CNTN5: variants seen among roughly 807,000 people sequenced by gnomAD.
CNTN5 encodes the protein contactin-5.
Under a neutral mutation model 129.1 loss-of-function variants are expected in CNTN5, and 77 were observed. The observed-to-expected ratio is 0.60, with a 90% confidence interval of 0.50 to 0.72. CNTN5 has a LOEUF of 0.72. Among genes scored for constraint, CNTN5 ranks in the 30% least tolerant of loss-of-function variants. CNTN5 has a pLI of 0.00. For synonymous variants in CNTN5, 509 were observed against 465.6 expected (o/e 1.09, Z -1.20); for missense variants, 1,478 against 1,328.8 (o/e 1.11, Z -1.75).
chr11:100,143,660 G>A (rs1367209004), intron 13 of CNTN5, among the ~76,000 whole-genome samples: 1 of 152,106 alleles, frequency 6.6e-6, no homozygotes, highest in African/African-American at 2.4e-5. Context: ...ACTCCTCTAT[G>A]CCAGATTGTT....
chr11:99,742,120 A>G (rs543117852), intron 3 of CNTN5, among the ~76,000 whole-genome samples: 9 of 152,286 alleles, frequency 5.9e-5, no homozygotes, highest in East Asian at 1.9e-4. Flanking sequence ...AACACAACCA[A>G]TGGAATTCAG....
rs542984343 is a variant in CNTN5 at position 99,581,393 on chromosome 11, C to G, written c.55+25124C>G. Among the ~76,000 whole-genome samples, 1,030 of 148,630 alleles carry G rather than the reference C, an allele frequency of 6.9e-3. 6 individuals are homozygous for G. The highest frequency in any genetic ancestry group is 0.024 in the African/African-American group (949 of 39,574). Reference sequence around the variant, plus strand: ...TTCAATTCCTGGGTATCCTTGTTAACTTTCTGTCTCGTTGATCTGTCTAAT... The same window carrying G: ...TTCAATTCCTGGGTATCCTTGTTAAGTTTCTGTCTCGTTGATCTGTCTAAT... On this transcript the variant is annotated intron_variant, in intron 3 of 24. Transcript: ENST00000524871.
intron 9 of CNTN5, among the ~76,000 whole-genome samples, chr11:100,011,466 CAT>C (rs1940529042): frequency 6.6e-6 from 1 of 152,054 alleles, no homozygotes; most frequent in Non-Finnish European, 1.5e-5. Context: ...AAAAATTTTA[CAT>C]GTTTCTTATC....
chr11:99,723,228 GA>G (rs75033106), intron 3 of CNTN5, among the ~76,000 whole-genome samples: 9 of 150,382 alleles, frequency 6.0e-5, no homozygotes, highest in South Asian at 2.1e-4. Flanking sequence ...TCCACTTTGG[GA>G]AAAAAAAATC....
chr11:99,853,419 G>A (rs945852593), intron 6 of CNTN5, among the ~76,000 whole-genome samples: 1 of 151,350 alleles, frequency 6.6e-6, no homozygotes, highest in Non-Finnish European at 1.5e-5. Flanking sequence ...ATTTTTTTGA[G>A]ACGGAGTTTT....
At chr11:99,766,652 C>A (rs1340529467) in intron 3 of CNTN5, among the ~76,000 whole-genome samples, 1 of 151,954 alleles carries the variant, frequency 6.6e-6, no homozygotes. Flanking sequence ...TTTATTAATA[C>A]CCCCATCGCT....
chr11:99,664,538 A>G (rs572403552), intron 3 of CNTN5, among the ~76,000 whole-genome samples: 7 of 152,166 alleles, frequency 4.6e-5, no homozygotes, highest in African/African-American at 1.4e-4. Flanking sequence ...CAGGATATCA[A>G]TGGCATTTTT....
At chr11:99,934,788 T>A (rs1044543690) in intron 7 of CNTN5, among the ~76,000 whole-genome samples, 6 of 150,682 alleles carry the variant, frequency 4.0e-5, no homozygotes, top group Non-Finnish European at 7.4e-5. Flanking sequence ...GGCAGGAGAA[T>A]CCCTTGAACA....
chr11:99,493,367 C>A (rs1291148167), intron 2 of CNTN5, among the ~76,000 whole-genome samples: 2 of 152,166 alleles, frequency 1.3e-5, no homozygotes, highest in Non-Finnish European at 2.9e-5. Context: ...TTTATTTGGG[C>A]TCATTTCATG....
intron 3 of CNTN5, among the ~76,000 whole-genome samples, chr11:99,757,102 G>A (rs969290117): frequency 4.6e-5 from 7 of 151,966 alleles, no homozygotes; most frequent in Admixed American, 1.3e-4. Flanking sequence ...CAGCAGGGTC[G>A]TGTTGTCTCT....
At chr11:99,915,096 G>T (rs1949753928) in intron 6 of CNTN5, among the ~76,000 whole-genome samples, 1 of 151,918 alleles carries the variant, frequency 6.6e-6, no homozygotes, top group Non-Finnish European at 1.5e-5. Flanking sequence ...ACATTTCTAA[G>T]AAGCATTTCT....
intron 8 of CNTN5, among the ~76,000 whole-genome samples, chr11:99,964,194 T>C (rs559886922): frequency 1.2e-4 from 18 of 152,290 alleles, no homozygotes; most frequent in African/African-American, 4.1e-4. Flanking sequence ...CTTCCAACAC[T>C]ATGTTGAATA....
chr11:99,661,085 C>G (rs1244021674), intron 3 of CNTN5, among the ~76,000 whole-genome samples: 1 of 151,958 alleles, frequency 6.6e-6, no homozygotes, highest in South Asian at 2.1e-4. Context: ...AATTCTAAAC[C>G]ATTTAAGTGT....
chr11:99,230,006 A>G (rs1445413203), intron 1 of CNTN5, among the ~76,000 whole-genome samples: 1 of 152,096 alleles, frequency 6.6e-6, no homozygotes, highest in Non-Finnish European at 1.5e-5. Flanking sequence ...ACATTTTTTA[A>G]TGCAAATAAA....
intron 6 of CNTN5, among the ~76,000 whole-genome samples, chr11:99,856,537 G>A (rs1214724459): frequency 2.0e-5 from 3 of 152,192 alleles, no homozygotes; most frequent in Non-Finnish European, 4.4e-5. Context: ...GTATGCCAGA[G>A]AGATGTTCTG....
intron 2 of CNTN5, among the ~76,000 whole-genome samples, chr11:99,525,072 C>G (rs1439416159): frequency 3.7e-4 from 56 of 152,030 alleles, no homozygotes; most frequent in Admixed American, 3.7e-3. Flanking sequence ...ATTATGTGCA[C>G]TAGATACAGT....
chr11:100,129,050 G>T (rs1186192890), intron 13 of CNTN5, among the ~76,000 whole-genome samples: 1 of 152,062 alleles, frequency 6.6e-6, no homozygotes, highest in Non-Finnish European at 1.5e-5. Context: ...AGAATATGAG[G>T]CCAGAATATA....
intron 1 of CNTN5, among the ~76,000 whole-genome samples, chr11:99,146,552 C>T (rs559334195): frequency 1.1e-4 from 16 of 152,194 alleles, no homozygotes; most frequent in South Asian, 4.1e-4. Context: ...TATAGCAATT[C>T]AGAAGTTAGG....
chr11:99,309,390 A>G (rs1435083330), intron 1 of CNTN5, among the ~76,000 whole-genome samples: 1 of 152,196 alleles, frequency 6.6e-6, no homozygotes, highest in Admixed American at 6.5e-5. Flanking sequence ...ATTAGTTTGG[A>G]AAGCACAGCG....
Sources: allele counts gnomAD v4.1 joint callset (sites outside exome capture counted in the v4.1 genomes callset), GRCh38; gene constraint gnomAD v4.1.1; transcripts MANE v1.5; gene names NCBI Gene and HGNC (gene_info 2026-07-23, HGNC 2026-07-21).